LRCH2: variants seen among roughly 807,000 people sequenced by gnomAD.
LRCH2 encodes leucine-rich repeat and calponin homology domain-containing protein 2.
Under a neutral mutation model 68.9 loss-of-function variants are expected in LRCH2, and 38 were observed. That is an observed-to-expected ratio of 0.55 (90% CI 0.43 to 0.72). LRCH2 has a LOEUF of 0.72. LRCH2 is among the 30% of genes least tolerant of loss of function. LRCH2 has a pLI of 0.00. For missense variants in LRCH2, 528 were observed against 572.9 expected, an observed-to-expected ratio of 0.92 and a Z score of 0.80; for synonymous variants, 191 against 208.1, an observed-to-expected ratio of 0.92 and a Z score of 0.71.
At chrX:115,230,671 C>G (rs2073147249) in intron 1 of LRCH2, among the ~76,000 whole-genome samples, 1 of 111,734 alleles carries the variant, frequency 8.9e-6, no homozygotes, top group Non-Finnish European at 1.9e-5. Flanking sequence ...ATTTTCTTCA[C>G]GTAAATTTAT....
intron 2 of LRCH2, among the ~76,000 whole-genome samples, chrX:115,185,290 A>G (rs2072723053): frequency 8.9e-6 from 1 of 111,894 alleles, no homozygotes; most frequent in South Asian, 3.8e-4. Flanking sequence ...AGTGATCCCC[A>G]TTTTGCAGAT....
intron 16 of LRCH2, among the ~76,000 whole-genome samples, chrX:115,125,644 TATATATAC>T (rs2072193000): frequency 2.2e-5 from 2 of 91,877 alleles, no homozygotes; most frequent in African/African-American, 8.0e-5. Context: ...TATATACATA[TATATATAC>T]ACGTATATAT....
chrX:115,161,254 C>T (rs2072516973), intron 11 of LRCH2, among the ~76,000 whole-genome samples: 2 of 110,082 alleles, frequency 1.8e-5, no homozygotes, highest in African/African-American at 6.6e-5. Context: ...CTTGGGAGGC[C>T]GAGGGATGAG....
intron 1 of LRCH2, among the ~76,000 whole-genome samples, chrX:115,213,349 C>T (rs1394476019): frequency 1.8e-5 from 2 of 111,514 alleles, no homozygotes; most frequent in Non-Finnish European, 3.8e-5. Context: ...AATTATCTGT[C>T]GTCCTGCATT....
intron 1 of LRCH2, among the ~76,000 whole-genome samples, chrX:115,209,375 G>C (rs1203855442): frequency 8.9e-6 from 1 of 111,767 alleles, no homozygotes; most frequent in Non-Finnish European, 1.9e-5. Context: ...TCTCATGATA[G>C]TGAATAAGTC....
intron 14 of LRCH2, among the ~76,000 whole-genome samples, chrX:115,147,336 G>T (rs1569513261): frequency 9.0e-6 from 1 of 111,208 alleles, no homozygotes; most frequent in South Asian, 3.8e-4. Context: ...TTAGGAAACT[G>T]TATGTCAGTT....
At chrX:115,165,357 A>G (rs1556544040) in intron 10 of LRCH2, 48 bp downstream of exon 10, 1 of 912,612 alleles carries the variant, frequency 1.1e-6, no homozygotes, top group East Asian at 3.4e-5. Context: ...ATATCTAATG[A>G]ATGGCTCAAG....
intron 1 of LRCH2, among the ~76,000 whole-genome samples, chrX:115,199,772 A>C (rs180929260): frequency 1.5e-4 from 17 of 112,375 alleles, no homozygotes; most frequent in African/African-American, 5.2e-4. Context: ...GAAACATTAG[A>C]TATAAATTGG....
At chrX:115,167,537 A>G (rs2072573667) in intron 6 of LRCH2, among the ~76,000 whole-genome samples, 1 of 110,854 alleles carries the variant, frequency 9.0e-6, no homozygotes, top group African/African-American at 3.3e-5. Context: ...TGAAGAGGCA[A>G]TAACTGTTAG....
At chrX:115,228,974 T>C (rs2073136681) in intron 1 of LRCH2, among the ~76,000 whole-genome samples, 2 of 111,488 alleles carry the variant, frequency 1.8e-5, no homozygotes, top group African/African-American at 3.3e-5. Context: ...CATTTGACTA[T>C]TGTATAAATC....
intron 2 of LRCH2, among the ~76,000 whole-genome samples, chrX:115,186,276 T>C (rs1221042790): frequency 9.2e-6 from 1 of 108,585 alleles, no homozygotes; most frequent in African/African-American, 3.4e-5. Flanking sequence ...ACATTTGAAT[T>C]TGGGAGGCGG....
rs1196662958 is a variant in LRCH2 at position 115,197,818 on chromosome X, G to GTCTCTCTCTC, written c.350-9458_350-9449dup. Among the ~76,000 whole-genome samples, 18 of 13,408 alleles carry GTCTCTCTCTC rather than the reference G, an allele frequency of 1.3e-3. No homozygotes were observed. The East Asian group carries it at 0.02, about 15-fold the overall frequency. 11.6% of individuals were successfully genotyped at this position (13,408 alleles called of 115,157 possible). A position where few individuals can be genotyped will look rare whatever the true frequency, so the allele number is the denominator to read the frequency against. On this transcript the variant is annotated intron_variant, in intron 1 of 20. Transcript: ENST00000317135. ...CACTCCAGCCTGGGCAACAGAACAA[G>GTCTCTCTCTC]TCTCTCTCTCTCTCTCTCTCTCTCT...
At chrX:115,214,172 A>G (rs1211419361) in intron 1 of LRCH2, among the ~76,000 whole-genome samples, 1 of 112,252 alleles carries the variant, frequency 8.9e-6, no homozygotes, top group Non-Finnish European at 1.9e-5. Context: ...ACAGTATGTA[A>G]AATCTGATTA....
chrX:115,195,156 C>T, intron 1 of LRCH2, among the ~76,000 whole-genome samples: 1 of 109,718 alleles, frequency 9.1e-6, no homozygotes, highest in East Asian at 2.9e-4. Context: ...TGGTGGCGCA[C>T]GCCTGTAATT....
chrX:115,227,323 G>A (rs1180479400), intron 1 of LRCH2, among the ~76,000 whole-genome samples: 1 of 107,303 alleles, frequency 9.3e-6, no homozygotes, highest in African/African-American at 3.4e-5. Context: ...TCCAGATACT[G>A]TCAAATATCC....
In LRCH2 at chrX:115,123,165, T is replaced by C. The variant is rs782259127; in HGVS notation, c.1877A>G (p.Tyr626Cys). 25 of 1,209,387 alleles carry C rather than the reference T, an allele frequency of 2.1e-5. No individual in the cohort carries two copies. The highest frequency in any genetic ancestry group is 2.8e-5 in the Non-Finnish European group (25 of 894,437). The change falls in exon 18 of 21, where the codon TAT (tyrosine) becomes TGT (cysteine). Residue 626 changes from tyrosine to cysteine, a missense_variant. Physicochemically the swap from Tyr to Cys is radical, Grantham distance 194 (BLOSUM62 -2). Coordinates refer to ENST00000317135, the MANE Select transcript of LRCH2 (RefSeq NM_020871.4). ...TGTAAATCCTGGATCTGCTGCCCCATATTCTTGGCGAGATGAGCGGCTAAA... is the reference window on the plus strand; with the variant it reads ...TGTAAATCCTGGATCTGCTGCCCCACATTCTTGGCGAGATGAGCGGCTAAA... ...SAFSRSSRQE[Y>C]GAADPGFTMR...
At chrX:115,190,741 C>T (rs781836675) in intron 1 of LRCH2, 43 of 1,068,826 alleles carry the variant, frequency 4.0e-5, no homozygotes, top group Middle Eastern at 2.5e-4. Flanking sequence ...ACACGAGGCC[C>T]GCAGCGGGGG....
In LRCH2 at chrX:115,197,818, G is replaced by GTC. The variant is rs1196662958; in HGVS notation, c.350-9450_350-9449dup. Among the ~76,000 whole-genome samples, 115 of 13,404 alleles carry GTC rather than the reference G, an allele frequency of 8.6e-3. 5 individuals carry two copies. Among genetic ancestry groups the GTC allele is most frequent in the Admixed American group, 0.046 (26 of 571 alleles). The allele number at this position is 13,404 out of a possible 115,157, so 11.6% of individuals were successfully genotyped here. A position where few individuals can be genotyped will look rare whatever the true frequency, so the allele number is the denominator to read the frequency against. On this transcript the variant is annotated intron_variant, in intron 1 of 20. Coordinates refer to ENST00000317135, the MANE Select transcript of LRCH2 (RefSeq NM_020871.4). Reference sequence around the variant, plus strand: ...CACTCCAGCCTGGGCAACAGAACAAGTCTCTCTCTCTCTCTCTCTCTCTCT... The same window carrying GTC: ...CACTCCAGCCTGGGCAACAGAACAAGTCTCTCTCTCTCTCTCTCTCTCTCTCT...
intron 1 of LRCH2, chrX:115,190,613 A>G (rs1263995891): frequency 8.6e-7 from 1 of 1,157,921 alleles, no homozygotes; most frequent in African/African-American, 1.8e-5. Context: ...TGCTACGAGG[A>G]GTACAGAGGC....
Sources: allele counts gnomAD v4.1 joint callset (sites outside exome capture counted in the v4.1 genomes callset), GRCh38; gene constraint gnomAD v4.1.1; transcripts MANE v1.5; gene names NCBI Gene and HGNC (gene_info 2026-07-23, HGNC 2026-07-21).